Variants in CEP97 observed in about 807,000 individuals in gnomAD.
CEP97 encodes centrosomal protein of 97 kDa.
Under a neutral mutation model 73.1 loss-of-function variants are expected in CEP97, and 43 were observed. The ratio of observed to expected loss-of-function variants is 0.59; its 90% CI spans 0.46 to 0.76. CEP97 has a LOEUF of 0.76. Ranked by LOEUF, CEP97 falls within the 30% of genes least tolerant of loss-of-function variation. The pLI is 0.00. For synonymous variants in CEP97, 337 were observed against 370.0 expected, an observed-to-expected ratio of 0.91 and a Z score of 1.02; for missense variants, 939 against 1,014.0, an observed-to-expected ratio of 0.93 and a Z score of 1.00.
chr3:101,731,565 T>G (rs1365374292), intron 4 of CEP97, among the ~76,000 whole-genome samples: 5 of 152,210 alleles, frequency 3.3e-5, no homozygotes, highest in African/African-American at 1.2e-4. Context: ...TCTCATAAGT[T>G]AAATCTCACA....
At position 101,727,402 on chromosome 3, in the gene CEP97, G is replaced by A. The variant is rs746188103; in HGVS notation, c.206G>A (p.Arg69Gln). The A allele has an allele frequency of 2.2e-5, 35 of 1,612,836 alleles. No individual in the cohort carries two copies. The highest frequency in any genetic ancestry group is 1.3e-4 in the East Asian group (6 of 44,850). Residue 69 changes from arginine to glutamine, a missense_variant, in exon 3 of 11, where the codon CGG (arginine) becomes CAG (glutamine). By Grantham distance (43) the Arg-to-Gln change is conservative. Transcript: ENST00000341893. ...TTACAGTTATCAGTAGCTAATAATC[G>A]GCTGGTTCGGATGATGGGTGTGGCC... is the stretch of plus-strand genomic sequence containing the variant. ...RLIQLSVANN[R>Q]LVRMMGVAKL...
At position 101,755,423 on chromosome 3, in the gene CEP97, A is replaced by G; in HGVS notation, c.729-7A>G. ...CATCTCCTCTTTTTTATGTTCCCCA[A>G]TTCCAGTTTGAAAGCTGAATGGCTC... On this transcript the variant is annotated splice_polypyrimidine_tract_variant and splice_region_variant and intron_variant, in intron 6 of 10. Coordinates refer to ENST00000341893, the MANE Select transcript of CEP97 (RefSeq NM_024548.4). 1 of 1,613,554 alleles carries G rather than the reference A, an allele frequency of 6.2e-7. No individual in the cohort carries two copies.
chr3:101,731,800 A>T (rs1027987811), intron 4 of CEP97, 40 bp from the exon 5 acceptor site: 5 of 1,166,394 alleles, frequency 4.3e-6, no homozygotes, highest in Non-Finnish European at 5.1e-6. Flanking sequence ...ATTTATTTGT[A>T]ATCTTTTCAT....
At chr3:101,732,294 G>T (rs961201444) in intron 5 of CEP97, among the ~76,000 whole-genome samples, 194 bp from the exon 6 acceptor site, 1 of 152,160 alleles carries the variant, frequency 6.6e-6, no homozygotes, top group Non-Finnish European at 1.5e-5. Context: ...GCTGATATTT[G>T]CCAGGGGATT....
chr3:101,742,851 A>T lies in CEP97; in HGVS notation c.728+10197A>T, dbSNP rs192928253. On this transcript the variant is annotated intron_variant, in intron 6 of 10. Transcript: ENST00000341893. ...GTACAGAGCGAGACTCCATCTCAAA[A>T]AAATAAATAAATAAATAAAGAATTG... Among the ~76,000 whole-genome samples, 128 of 152,278 alleles carry T rather than the reference A, an allele frequency of 8.4e-4. 1 individual carries two copies. The highest frequency in any genetic ancestry group is 3.9e-4 in the East Asian group (2 of 5,190).
chr3:101,732,531 T>C lies in CEP97; in HGVS notation c.605T>C (p.Ile202Thr). Reference sequence around the variant, plus strand: ...TTAACTGAATTGGAACAGTTGTCGATTATGAACAATCCTTGTGTGATGGCA... The same window carrying C: ...TTAACTGAATTGGAACAGTTGTCGACTATGAACAATCCTTGTGTGATGGCA... ...ASLTELEQLS[I>T]MNNPCVMATP... Residue 202 changes from isoleucine to threonine, a missense_variant, in exon 6 of 11, where the codon ATT becomes ACT. By Grantham distance (89) the Ile-to-Thr change is moderately conservative. Transcript: ENST00000341893. The C allele has an allele frequency of 1.2e-6, 2 of 1,613,686 alleles. No individual in the cohort carries two copies. The highest frequency in any genetic ancestry group is 1.7e-6 in the Non-Finnish European group (2 of 1,179,666).
At chr3:101,732,931 C>A (rs1938159010) in intron 6 of CEP97, among the ~76,000 whole-genome samples, 1 of 150,138 alleles carries the variant, frequency 6.7e-6, no homozygotes, top group East Asian at 2.0e-4. Context: ...TTGAGACCAG[C>A]CTGGGCAATA....
At chr3:101,739,137 G>T (rs1310482751) in intron 6 of CEP97, among the ~76,000 whole-genome samples, 2 of 152,154 alleles carry the variant, frequency 1.3e-5, no homozygotes, top group African/African-American at 4.8e-5. Flanking sequence ...TCAGAGCCCT[G>T]AATAGATCAA....
At chr3:101,736,387 C>T (rs1401824543) in intron 6 of CEP97, among the ~76,000 whole-genome samples, 1 of 152,204 alleles carries the variant, frequency 6.6e-6, no homozygotes, top group Admixed American at 6.5e-5. Flanking sequence ...GTCCCTGATC[C>T]CCGTGTCTCC....
rs1939372842 is a variant in CEP97 at position 101,768,494 on chromosome 3, T to C, written c.*2943T>C. On this transcript the variant is annotated 3_prime_UTR_variant, in exon 11 of 11. Coordinates refer to ENST00000341893, the MANE Select transcript of CEP97 (RefSeq NM_024548.4). ...CCCTGAGTGAATTTTTTCTAAGAAA[T>C]GTGACTTGATTAAAATGGTTTCAAA... 6.6e-6 allele frequency: 1 copy of C among 152,128 alleles called. No individual in the cohort carries two copies. The highest frequency in any genetic ancestry group is 1.5e-5 in the Non-Finnish European group (1 of 68,010). The allele number at this position is 152,128 out of a possible 1,614,324, so 9.4% of individuals were successfully genotyped here. A position where few individuals can be genotyped will look rare whatever the true frequency, so the allele number is the denominator to read the frequency against.
At position 101,768,940 on chromosome 3, in the gene CEP97, G is replaced by A. The variant is rs1324790513; in HGVS notation, c.*3389G>A. On this transcript the variant is annotated 3_prime_UTR_variant, in exon 11 of 11. Transcript: ENST00000341893. ...AGGCTTCACAATATGCATGTTTTAG[G>A]AAAATGTTCATTTATTTAGTCATAT... 1 of 152,104 alleles carries A rather than the reference G, an allele frequency of 6.6e-6. No homozygotes were observed. The allele number at this position is 152,104 out of a possible 1,614,324, so 9.4% of individuals were successfully genotyped here.
intron 10 of CEP97, chr3:101,762,989 A>G: frequency 1.0e-6 from 1 of 986,284 alleles, no homozygotes; most frequent in South Asian, 1.9e-5. Context: ...ATCCTATAAT[A>G]GCACACTTTA....
In CEP97 at chr3:101,730,261, G is replaced by A. The variant is rs939085483; in HGVS notation, c.447+1324G>A. Among the ~76,000 whole-genome samples the A allele has an allele frequency of 2.7e-5, 4 of 149,624 alleles. No individual in the cohort carries two copies. The South Asian group carries it at 8.4e-4, about 31-fold the overall frequency. On this transcript the variant is annotated intron_variant, in intron 4 of 10. Coordinates refer to ENST00000341893, the MANE Select transcript of CEP97 (RefSeq NM_024548.4). ...GTTTTGTTTTGTTTTGTTTTGTTTTGTTTTGTTTTGTTTTGTTTTGTTGAG... is the reference window on the plus strand; with the variant it reads ...GTTTTGTTTTGTTTTGTTTTGTTTTATTTTGTTTTGTTTTGTTTTGTTGAG...
chr3:101,742,387 A>G (rs955389340), intron 6 of CEP97, among the ~76,000 whole-genome samples: 3 of 152,234 alleles, frequency 2.0e-5, no homozygotes, highest in African/African-American at 7.2e-5. Context: ...CATATACACC[A>G]TGGAATAATA....
rs1276069695 is a variant in CEP97 at position 101,757,940 on chromosome 3, G to A, written c.1334G>A (p.Ser445Asn). The A allele has an allele frequency of 1.2e-6, 2 of 1,614,136 alleles. No homozygotes were observed. Among genetic ancestry groups the A allele is most frequent in the Admixed American group, 3.3e-5 (2 of 60,016 alleles). ...GATGAATCTGTGAAAGGGCTGGAAA[G>A]CCAGGTGTTGGATAAGGAAGAGGAA... ...VADESVKGLESQVLDKEEEQP... is the reference protein window; with the variant it reads ...VADESVKGLENQVLDKEEEQP... Residue 445 changes from serine (S) to asparagine (N), a missense_variant, in exon 9 of 11, where the codon AGC (serine) becomes AAC (asparagine). By Grantham distance (46) the Ser-to-Asn change is conservative. Transcript: ENST00000341893.
intron 6 of CEP97, among the ~76,000 whole-genome samples, chr3:101,754,444 C>T (rs1938948462): frequency 6.6e-6 from 1 of 152,142 alleles, no homozygotes; most frequent in Non-Finnish European, 1.5e-5. Flanking sequence ...CAAATAATTA[C>T]AGCCTTATGT....
At chr3:101,757,340 G>GT (rs1939037233) in intron 8 of CEP97, 144 bp downstream of exon 8, 3 of 858,046 alleles carry the variant, frequency 3.5e-6, no homozygotes, top group Admixed American at 6.2e-5. Context: ...ACATATCTAT[G>GT]TATAAACACA....
At chr3:101,764,515 G>A (rs1939256295) in intron 10 of CEP97, among the ~76,000 whole-genome samples, 1 of 152,030 alleles carries the variant, frequency 6.6e-6, no homozygotes, top group African/African-American at 2.4e-5. Context: ...GGAAGCTGAG[G>A]CAGGAGAATT....
intron 6 of CEP97, among the ~76,000 whole-genome samples, chr3:101,740,052 T>G (rs1251085475): frequency 6.6e-6 from 1 of 152,210 alleles, no homozygotes; most frequent in Non-Finnish European, 1.5e-5. Context: ...GCATTCCCTT[T>G]GAAAACTGGC....
Sources: allele counts gnomAD v4.1 joint callset (sites outside exome capture counted in the v4.1 genomes callset), GRCh38; gene constraint gnomAD v4.1.1; transcripts MANE v1.5; gene names NCBI Gene and HGNC (gene_info 2026-07-23, HGNC 2026-07-21).